The following LAMB1 variants were observed in gnomAD, a reference collection of about 807,000 sequenced individuals.
LAMB1 encodes laminin subunit beta 1, also known as laminin subunit beta-1.
In LAMB1, 121 loss-of-function variants were observed where a neutral mutation model predicts 222.3. That is an observed-to-expected ratio of 0.54 (90% confidence interval 0.47 to 0.63). LAMB1 has a LOEUF of 0.63. Among genes scored for constraint, LAMB1 ranks in the 30% least tolerant of loss-of-function variants. LAMB1 has a pLI of 0.00. For synonymous variants in LAMB1, 794 were observed against 807.2 expected (o/e 0.98, Z 0.28); for missense variants, 2,172 against 2,240.8 (o/e 0.97, Z 0.62).
At chr7:107,953,871 C>CTGT in intron 21 of LAMB1, 117 bp from the exon 22 acceptor site, 1 of 807,730 alleles carries the variant, frequency 1.2e-6, no homozygotes, top group Non-Finnish European at 2.1e-6. Flanking sequence ...CTTCACTGCA[C>CTGT]TGTTTAAAGA....
rs1402652038 is a variant in LAMB1, at chr7:107,960,664, G to T, written c.2110-15C>A. The stretch of plus-strand genomic sequence containing the variant: ...ATGAGAACAAGCTGTGAAGAAATGA[G>T]AACGGCCAAACATCCTTACAGTGGT... On this transcript the variant is annotated splice_polypyrimidine_tract_variant and intron_variant, in intron 17 of 33. Coordinates refer to ENST00000222399, the MANE Select transcript of LAMB1 (RefSeq NM_002291.3). The T allele has an allele frequency of 1.9e-6, 3 of 1,611,888 alleles. No individual in the cohort carries two copies. Among genetic ancestry groups the T allele is most frequent in the Admixed American group, 3.3e-5 (2 of 60,026 alleles).
intron 14 of LAMB1, among the ~76,000 whole-genome samples, chr7:107,963,989 C>T (rs868503448): frequency 5.5e-4 from 84 of 152,256 alleles, no homozygotes; most frequent in African/African-American, 1.6e-3. Flanking sequence ...TCGAGCTACT[C>T]GGGAAGCTGA....
chr7:107,991,905 CAAAAAAAAAAAA>C (rs71134302), intron 5 of LAMB1, among the ~76,000 whole-genome samples: 2 of 91,992 alleles, frequency 2.2e-5, no homozygotes, highest in African/African-American at 4.2e-5. Flanking sequence ...GACTTCGTCT[CAAAAAAAAAAAA>C]AAAAAAAAAG....
intron 13 of LAMB1, among the ~76,000 whole-genome samples, chr7:107,972,400 C>T (rs1456786908): frequency 6.6e-6 from 1 of 152,150 alleles, no homozygotes; most frequent in African/African-American, 2.4e-5. Context: ...GACTCTGAGC[C>T]AGGAACAGAG....
At chr7:107,974,912 T>C in intron 12 of LAMB1, 74 bp downstream of exon 12, 1 of 852,804 alleles carries the variant, frequency 1.2e-6, no homozygotes, top group South Asian at 1.3e-5. Flanking sequence ...GACTCTACAA[T>C]GGCGAAAAGG....
At chr7:107,927,187 T>TA (rs2032586226) in intron 31 of LAMB1, among the ~76,000 whole-genome samples, 1 of 152,212 alleles carries the variant, frequency 6.6e-6, no homozygotes, top group Non-Finnish European at 1.5e-5. Context: ...TGTAAATATT[T>TA]CAAACCTAAG....
intron 21 of LAMB1, among the ~76,000 whole-genome samples, chr7:107,955,089 T>C (rs1362706505): frequency 6.6e-6 from 1 of 152,226 alleles, no homozygotes; most frequent in African/African-American, 2.4e-5. Context: ...TGGATGATAT[T>C]ATTTCTTTCT....
At chr7:107,973,642 A>G (rs1230098660) in intron 12 of LAMB1, among the ~76,000 whole-genome samples, 1 of 152,046 alleles carries the variant, frequency 6.6e-6, no homozygotes, top group Non-Finnish European at 1.5e-5. Context: ...CAGGTTCACC[A>G]ATTTATTTTA....
In LAMB1 at chr7:107,955,522, G is replaced by A. The variant is rs2033356301; in HGVS notation, c.2799C>T (p.Cys933=). The A allele has an allele frequency of 1.9e-6, 3 of 1,613,940 alleles. No individual in the cohort carries two copies. Among genetic ancestry groups the A allele is most frequent in the Admixed American group, 1.7e-5 (1 of 59,978 alleles). Residue 933 remains cysteine (C), a synonymous_variant, in exon 21 of 34, where the codon TGC becomes TGT. Transcript: ENST00000222399. ...PDSGRQFARS[C]YQDPVTLQLA... is the part of the protein sequence containing the mutation. ...GCTGTAAAGTAACAGGATCTTGGTA[G>A]CAGCTCCTGGCAAACTGGCGTCCAC...
chr7:107,941,532 GA>G (rs541440899), intron 24 of LAMB1, among the ~76,000 whole-genome samples: 23 of 152,150 alleles, frequency 1.5e-4, no homozygotes, highest in Non-Finnish European at 3.1e-4. Context: ...TTTGCCAAAT[GA>G]AGCCCTAACC....
chr7:107,950,974 A>G (rs376082482), intron 24 of LAMB1: 12 of 412,454 alleles, frequency 2.9e-5, no homozygotes, highest in African/African-American at 1.2e-4. Flanking sequence ...TTACACACAG[A>G]AACAAACTTT....
intron 10 of LAMB1, 131 bp downstream of exon 10, chr7:107,975,558 G>T: frequency 8.2e-7 from 1 of 1,216,976 alleles, no homozygotes; most frequent in Non-Finnish European, 1.1e-6. Context: ...CACTCCCAGC[G>T]TCTTCAACTG....
chr7:107,938,387 T>C (rs1477260324), intron 25 of LAMB1, among the ~76,000 whole-genome samples: 1 of 151,732 alleles, frequency 6.6e-6, no homozygotes, highest in Non-Finnish European at 1.5e-5. Context: ...AAGGCTTTCA[T>C]TTCTTCTCAG....
At chr7:107,934,741 G>A (rs947307735) in intron 27 of LAMB1, among the ~76,000 whole-genome samples, 4 of 152,094 alleles carry the variant, frequency 2.6e-5, no homozygotes, top group African/African-American at 9.7e-5. Context: ...ACTGAGATGG[G>A]TTTTATAATT....
intron 5 of LAMB1, among the ~76,000 whole-genome samples, chr7:107,993,005 G>A (rs1428637194): frequency 1.3e-5 from 2 of 152,110 alleles, no homozygotes; most frequent in Non-Finnish European, 2.9e-5. Context: ...CACAGCTCTG[G>A]CCACACATGC....
rs188268401 is a variant in LAMB1, at chr7:107,981,212, C to T, written c.677-401G>A. Among the ~76,000 whole-genome samples the T allele has an allele frequency of 3.6e-3, 548 of 152,126 alleles. 13 individuals carry two copies. The highest frequency in any genetic ancestry group is 3.7e-4 in the Non-Finnish European group (25 of 67,992). On this transcript the variant is annotated intron_variant, in intron 7 of 33. Transcript: ENST00000222399. ...CTGTATTCCCAGCATTTTGGGAGGC[C>T]GAGGTGGGCGGATCACCTGAGGTCA...
At position 107,940,315 on chromosome 7, in the gene LAMB1, G is replaced by C; in HGVS notation, c.3435C>G (p.Asp1145Glu). 1 of 1,614,190 alleles carries C rather than the reference G, an allele frequency of 6.2e-7. No individual in the cohort carries two copies. The highest frequency in any genetic ancestry group is 8.5e-7 in the Non-Finnish European group (1 of 1,180,012). The change falls in exon 25 of 34, where the codon GAC (aspartate) becomes GAG (glutamate). Residue 1145 changes from aspartate (D) to glutamate (E), a missense_variant. Transcript: ENST00000222399. ...CGCAGACACACTGGCCCGTGGACTG[G>C]TCACACTGTGGCGTCTCAATGCCCC... ...DPRGIETPQC[D>E]QSTGQCVCVE...
At chr7:107,943,337 C>T (rs2033036411) in intron 24 of LAMB1, among the ~76,000 whole-genome samples, 1 of 152,112 alleles carries the variant, frequency 6.6e-6, no homozygotes, top group East Asian at 1.9e-4. Context: ...AAGTCAATGC[C>T]AGTGACACCC....
rs543612014 is a variant in LAMB1 at position 107,926,565 on chromosome 7, T to G, written c.4888-206A>C. Among the ~76,000 whole-genome samples the G allele has an allele frequency of 3.3e-5, 5 of 152,310 alleles. No individual in the cohort carries two copies. In the East Asian group the frequency reaches 7.7e-4, roughly 23 times the overall value. On this transcript the variant is annotated intron_variant, in intron 31 of 33. Transcript: ENST00000222399. ...CATTTCATATATTCACTTCATTCTT[T>G]CAGTACTTCTGATGATCTAAGCTGA...
Sources: allele counts gnomAD v4.1 joint callset (sites outside exome capture counted in the v4.1 genomes callset), GRCh38; gene constraint gnomAD v4.1.1; transcripts MANE v1.5; gene names NCBI Gene and HGNC (gene_info 2026-07-23, HGNC 2026-07-21).